Variants in MYH7B observed in about 807,000 individuals in gnomAD.
The protein encoded by MYH7B is myosin heavy chain 7B, also known as myosin-7B.
Under a neutral mutation model 234.5 loss-of-function variants are expected in MYH7B, and 205 were observed. That is an observed-to-expected ratio of 0.87 (90% CI 0.78 to 0.98). The LOEUF (loss-of-function observed/expected upper bound fraction) is 0.98. Among genes scored for constraint, MYH7B ranks in the 50% least tolerant of loss-of-function variants. The pLI is 0.00. For synonymous variants in MYH7B, 1,193 were observed against 1,105.0 expected (o/e 1.08, Z -1.58); for missense variants, 2,652 against 2,633.4 (o/e 1.01, Z -0.15).
rs199866551 is a variant in MYH7B at position 34,988,397 on chromosome 20, CATGT to C, written c.1587+136_1587+139del. 2.1e-3 allele frequency: 2,131 copies of C among 997,102 alleles called. 12 individuals are homozygous for C. Among genetic ancestry groups the C allele is most frequent in the African/African-American group, 0.014 (859 of 61,614 alleles). The allele number at this position is 997,102 out of a possible 1,614,324, so 61.8% of individuals were successfully genotyped here. A position where few individuals can be genotyped will look rare whatever the true frequency, so the allele number is the denominator to read the frequency against. ...GTGACTGTGCGTTGCAGTAAGCATG[CATGT>C]GAGTGTAGTTGTGACAGCGTTTATG... On this transcript the variant is annotated intron_variant, in intron 19 of 44. Coordinates refer to ENST00000262873, the Ensembl canonical transcript of MYH7B.
chr20:34,981,587 A>C (rs532364790), intron 9 of MYH7B: 3 of 153,794 alleles, frequency 2.0e-5, no homozygotes, highest in African/African-American at 7.2e-5. Flanking sequence ...ACAGTGGCTC[A>C]TGCCCGTAAT....
chr20:34,956,789 T>G (rs1269127061), intron 1 of MYH7B, among the ~76,000 whole-genome samples: 2 of 152,136 alleles, frequency 1.3e-5, no homozygotes, highest in African/African-American at 4.8e-5. Flanking sequence ...GTGCAGTGGC[T>G]CAGACCTGTA....
chr20:34,990,532 G>A, intron 22 of MYH7B: 1 of 822,002 alleles, frequency 1.2e-6, no homozygotes, highest in Admixed American at 1.7e-5. Flanking sequence ...GGGGCTCTGG[G>A]AGGGACGGGG....
exon 34 of MYH7B, chr20:34,998,522 C>G: frequency 6.2e-7 from 1 of 1,613,528 alleles, no homozygotes; most frequent in Non-Finnish European, 8.5e-7. Context: ...GGAGCTGAGT[C>G]GCCTGCTAGA....
At chr20:34,987,242 A>C in exon 16 of MYH7B, 2 of 1,611,904 alleles carry the variant, frequency 1.2e-6, no homozygotes, top group Non-Finnish European at 1.7e-6. Flanking sequence ...CATGAAGTTC[A>C]AGCAGAAGCA....
chr20:34,986,155 T>C (rs765124379), exon 14 of MYH7B: 1 of 1,600,312 alleles, frequency 6.2e-7, no homozygotes, highest in Admixed American at 1.7e-5. Context: ...GCAGCTACCA[T>C]GTCTACTACC....
At chr20:34,987,037 TCGG>T in intron 15 of MYH7B, 48 bp downstream of exon 15, 1 of 1,609,932 alleles carries the variant, frequency 6.2e-7, no homozygotes, top group Non-Finnish European at 8.5e-7. Flanking sequence ...TGTGGTGGAA[TCGG>T]GCAGCACTGC....
intron 2 of MYH7B, among the ~76,000 whole-genome samples, chr20:34,959,994 T>C (rs2081678296): frequency 6.6e-6 from 1 of 152,170 alleles, no homozygotes; most frequent in Non-Finnish European, 1.5e-5. Flanking sequence ...ACAGCAGCAG[T>C]GTCAGCCATG....
intron 2 of MYH7B, among the ~76,000 whole-genome samples, chr20:34,969,540 C>CTTT (rs770172832): frequency 5.2e-4 from 66 of 126,772 alleles, no homozygotes; most frequent in South Asian, 1.8e-3. Flanking sequence ...TCTTCTGCTC[C>CTTT]TTTTTTTTTT....
At chr20:34,999,615 A>G in exon 37 of MYH7B, 1 of 1,613,578 alleles carries the variant, frequency 6.2e-7, no homozygotes, top group Non-Finnish European at 8.5e-7. Flanking sequence ...CAGTGGGAAG[A>G]GCATCCAGGA....
chr20:34,989,225 G>A (rs1038468823), intron 19 of MYH7B, among the ~76,000 whole-genome samples: 4 of 152,174 alleles, frequency 2.6e-5, no homozygotes, highest in African/African-American at 4.8e-5. Context: ...AGTTTCATAC[G>A]ATGCATTTCT....
rs1383687207 is a variant in MYH7B, at chr20:34,984,849, C to T, written c.649-5C>T. The T allele has an allele frequency of 1.2e-6, 2 of 1,613,468 alleles. No homozygotes were observed. The highest frequency in any genetic ancestry group is 8.5e-7 in the Non-Finnish European group (1 of 1,179,436). On this transcript the variant is annotated splice_polypyrimidine_tract_variant and splice_region_variant and intron_variant, in intron 11 of 44. Transcript: ENST00000262873. ...TGACAGACCCCCTCACCCCCACCGC[C>T]CCAGGGCACCCTTGAGGATCAAATC...
At chr20:35,002,118 AGGGGGACTGTGGG>A (rs762988611) in intron 44 of MYH7B, 33 bp downstream of exon 44, 37 of 1,610,994 alleles carry the variant, frequency 2.3e-5, no homozygotes, top group Non-Finnish European at 3.1e-5. Flanking sequence ...CTCTCTGTGC[AGGGGGACTGTGGG>A]GGCTGACAGG....
At chr20:34,962,251 A>G (rs984172667) in intron 2 of MYH7B, among the ~76,000 whole-genome samples, 9 of 152,162 alleles carry the variant, frequency 5.9e-5, no homozygotes, top group East Asian at 1.9e-4. Context: ...TAATGCTGCT[A>G]TGAACATTCA....
At position 34,985,142 on chromosome 20, in the gene MYH7B, C is replaced by T. The variant is rs760164346; in HGVS notation, c.805+13C>T. 1 of 1,613,768 alleles carries T rather than the reference C, an allele frequency of 6.2e-7. No homozygotes were observed. The highest frequency in any genetic ancestry group is 1.1e-5 in the South Asian group (1 of 91,084). On this transcript the variant is annotated intron_variant, in intron 13 of 44. Coordinates refer to ENST00000262873, the Ensembl canonical transcript of MYH7B. ...GATATTGACAGCTGTGAGTCAACCC[C>T]CTGCGGGCGGTGCAGGGGAAGGAGG...
rs1032416096 is a variant in MYH7B at position 34,970,347 on chromosome 20, T to C, written c.-221-5053T>C. Among the ~76,000 whole-genome samples, 13 of 152,356 alleles carry C rather than the reference T, an allele frequency of 8.5e-5. No homozygotes were observed. In the South Asian group the frequency reaches 2.7e-3, roughly 32 times the overall value. Reference sequence around the variant, plus strand: ...GGGAAACCCACTTGTCTCATACCCATGTGCCCTTGTATAGGTCTGCTGTTC... The same window carrying C: ...GGGAAACCCACTTGTCTCATACCCACGTGCCCTTGTATAGGTCTGCTGTTC... On this transcript the variant is annotated intron_variant, in intron 2 of 44. Coordinates refer to ENST00000262873, the Ensembl canonical transcript of MYH7B.
chr20:34,983,395 T>A (rs1176229227), intron 10 of MYH7B, among the ~76,000 whole-genome samples: 3 of 152,018 alleles, frequency 2.0e-5, no homozygotes, highest in Non-Finnish European at 4.4e-5. Flanking sequence ...TTTTTGCTGT[T>A]GACTTTTTGG....
At chr20:34,960,411 A>G (rs572001809) in intron 2 of MYH7B, among the ~76,000 whole-genome samples, 3 of 151,764 alleles carry the variant, frequency 2.0e-5, no homozygotes, top group African/African-American at 4.8e-5. Context: ...AATTTTTTCT[A>G]TTTTTAGTAG....
chr20:34,981,286 C>T (rs1600424217), intron 9 of MYH7B: 1 of 503,840 alleles, frequency 2.0e-6, no homozygotes. Flanking sequence ...CACCCACAAA[C>T]GGAGTGACCA....
Sources: allele counts gnomAD v4.1 joint callset (sites outside exome capture counted in the v4.1 genomes callset), GRCh38; gene constraint gnomAD v4.1.1; transcripts MANE v1.5; gene names NCBI Gene and HGNC (gene_info 2026-07-23, HGNC 2026-07-21).